Variants in VAMP7 observed in about 807,000 individuals in gnomAD.
VAMP7 encodes the protein vesicle associated membrane protein 7.
A neutral mutation model predicts 29.6 loss-of-function variants in VAMP7; 14 were observed. The observed-to-expected ratio is 0.47, with a 90% CI of 0.31 to 0.74. VAMP7 has a LOEUF of 0.74. Ranked by LOEUF, VAMP7 falls within the 30% of genes least tolerant of loss-of-function variation. The probability of loss-of-function intolerance (pLI) is 0.05; values close to 1 mark genes in which losing one functional copy is unlikely to be tolerated. For missense variants in VAMP7, 223 were observed against 262.4 expected, an observed-to-expected ratio of 0.85 and a Z score of 1.04; for synonymous variants, 95 against 88.1, an observed-to-expected ratio of 1.08 and a Z score of -0.44.
chrX:155,892,405 A>G (rs1390716696), intron 2 of VAMP7, among the ~76,000 whole-genome samples: 5 of 152,048 alleles, frequency 3.3e-5, no homozygotes, highest in Non-Finnish European at 7.4e-5. Flanking sequence ...GGGACTTGGA[A>G]TATTCTTCAA....
At chrX:155,884,178 A>G (rs959861276) in intron 1 of VAMP7, among the ~76,000 whole-genome samples, 3 of 151,446 alleles carry the variant, frequency 2.0e-5, no homozygotes, top group African/African-American at 7.3e-5. Flanking sequence ...CCCAGGCTGG[A>G]GTGCAATGGC....
chrX:155,931,376 T>C (rs958221321), intron 6 of VAMP7, among the ~76,000 whole-genome samples: 1 of 152,104 alleles, frequency 6.6e-6, no homozygotes, highest in Non-Finnish European at 1.5e-5. Flanking sequence ...GCACCTGTTG[T>C]TTCCTGACTT....
Position 155,898,216 on chromosome X carries a change from T to C in VAMP7, c.309T>C (p.Asn103=). The stretch of plus-strand genomic sequence containing the variant: ...AGACAGCACTTCCATATGCCATGAA[T>C]AGCGAGTTCTCAAGTGTCTTAGCTG... The part of the protein sequence containing the change: ...RAQTALPYAM[N]SEFSSVLAAQ... Residue 103 remains asparagine (N), a synonymous_variant, in exon 4 of 8, where the codon AAT becomes AAC. Coordinates refer to ENST00000286448, the MANE Select transcript of VAMP7 (RefSeq NM_005638.6). 1 of 1,613,568 alleles carries C rather than the reference T, an allele frequency of 6.2e-7. No homozygotes were observed. Among genetic ancestry groups the C allele is most frequent in the Non-Finnish European group, 8.5e-7 (1 of 1,179,616 alleles).
rs184255122 is a variant in VAMP7 at position 155,905,072 on chromosome X, C to T, written c.433+4485C>T. Among the ~76,000 whole-genome samples the T allele has an allele frequency of 1.9e-3, 295 of 151,804 alleles. 2 individuals are homozygous for T. The highest frequency in any genetic ancestry group is 6.8e-3 in the African/African-American group (281 of 41,476). Reference sequence around the variant, plus strand: ...CAATGTATGAGGATTCTGATTCCTCCACATCCTTGCCAAAACTTATCTTTT... The same window carrying T: ...CAATGTATGAGGATTCTGATTCCTCTACATCCTTGCCAAAACTTATCTTTT... On this transcript the variant is annotated intron_variant, in intron 5 of 7. Transcript: ENST00000286448.
At chrX:155,897,798 T>C (rs973952127) in intron 3 of VAMP7, among the ~76,000 whole-genome samples, 1 of 152,088 alleles carries the variant, frequency 6.6e-6, no homozygotes, top group Non-Finnish European at 1.5e-5. Flanking sequence ...TCTTATGAAA[T>C]ATATGGAGGA....
chrX:155,905,760 T>G (rs1350057626), intron 5 of VAMP7, among the ~76,000 whole-genome samples: 1 of 152,208 alleles, frequency 6.6e-6, no homozygotes, highest in Non-Finnish European at 1.5e-5. Context: ...TCAGTTTATC[T>G]TTATGCCAGT....
At chrX:155,936,780 G>A (rs184866372) in intron 6 of VAMP7, among the ~76,000 whole-genome samples, 5 of 152,172 alleles carry the variant, frequency 3.3e-5, no homozygotes, top group Admixed American at 6.5e-5. Context: ...CGTTGCTCAC[G>A]CTGGGGGCTG....
rs188895779 is a variant in VAMP7 at position 155,918,356 on chromosome X, A to G, written c.434-1457A>G. Among the ~76,000 whole-genome samples, 51 of 151,336 alleles carry G rather than the reference A, an allele frequency of 3.4e-4. 1 individual carries two copies. The East Asian group carries it at 9.1e-3, about 27-fold the overall frequency. ...GCATTCCAGGCGCCACTGGGGTATG[A>G]AAAAAAAACTCCTGCAGCTAGCTCG... On this transcript the variant is annotated intron_variant, in intron 5 of 7. Transcript: ENST00000286448.
At chrX:155,928,543 A>G (rs956703873) in intron 6 of VAMP7, among the ~76,000 whole-genome samples, 2 of 152,012 alleles carry the variant, frequency 1.3e-5, no homozygotes, top group Non-Finnish European at 2.9e-5. Context: ...TGTTCACATT[A>G]CCTTCTCCTT....
At chrX:155,882,717 C>G (rs1163902214) in intron 1 of VAMP7, among the ~76,000 whole-genome samples, 3 of 152,080 alleles carry the variant, frequency 2.0e-5, no homozygotes, top group Non-Finnish European at 2.9e-5. Flanking sequence ...CTTACCAGGT[C>G]CTTCTGAATA....
chrX:155,924,390 C>T (rs1158316733), intron 6 of VAMP7, among the ~76,000 whole-genome samples: 1 of 152,066 alleles, frequency 6.6e-6, no homozygotes, highest in Non-Finnish European at 1.5e-5. Flanking sequence ...CTAGCTATTT[C>T]CAAAACTTTT....
intron 2 of VAMP7, among the ~76,000 whole-genome samples, chrX:155,892,394 C>T (rs987498753): frequency 1.6e-4 from 25 of 152,066 alleles, no homozygotes; most frequent in Non-Finnish European, 3.2e-4. Flanking sequence ...AATTCCTTAA[C>T]GGGACTTGGA....
chrX:155,914,574 G>A (rs1223476764), intron 5 of VAMP7, among the ~76,000 whole-genome samples: 2 of 152,090 alleles, frequency 1.3e-5, no homozygotes, highest in Non-Finnish European at 2.9e-5. Context: ...AGCATAAAGC[G>A]GTGTTGAATT....
At chrX:155,930,421 T>G (rs1167157346) in intron 6 of VAMP7, among the ~76,000 whole-genome samples, 1 of 151,540 alleles carries the variant, frequency 6.6e-6, no homozygotes, top group East Asian at 1.9e-4. Context: ...AGCTGAAAGA[T>G]CTCTAAAATC....
At chrX:155,892,578 T>G (rs2065937658) in intron 2 of VAMP7, among the ~76,000 whole-genome samples, 1 of 152,122 alleles carries the variant, frequency 6.6e-6, no homozygotes, top group Admixed American at 6.5e-5. Flanking sequence ...AATATATTTA[T>G]CTACTTAATT....
intron 6 of VAMP7, among the ~76,000 whole-genome samples, chrX:155,936,411 C>T (rs2066657140): frequency 6.6e-6 from 1 of 152,220 alleles, no homozygotes; most frequent in Non-Finnish European, 1.5e-5. Flanking sequence ...GGCGCCTCTC[C>T]TCCAGCCTCG....
intron 6 of VAMP7, 27 bp from the exon 7 acceptor site, chrX:155,939,674 G>GT: frequency 6.4e-7 from 1 of 1,555,880 alleles, no homozygotes; most frequent in Non-Finnish European, 8.9e-7. Flanking sequence ...AGTGCCAGGG[G>GT]TTAAACAATT....
At chrX:155,901,632 C>T (rs1203293045) in intron 5 of VAMP7, among the ~76,000 whole-genome samples, 1 of 152,106 alleles carries the variant, frequency 6.6e-6, no homozygotes, top group African/African-American at 2.4e-5. Flanking sequence ...ATAGGGAATC[C>T]TTTCCCCATT....
chrX:155,883,975 G>T (rs1474193751), intron 1 of VAMP7, among the ~76,000 whole-genome samples: 1 of 151,686 alleles, frequency 6.6e-6, no homozygotes, highest in Non-Finnish European at 1.5e-5. Flanking sequence ...GCCTCCCAAA[G>T]TGCTGGGATT....
Sources: gnomAD v4.1 joint callset for allele counts (sites outside exome capture counted in the v4.1 genomes callset) on GRCh38, gnomAD v4.1.1 for gene constraint, MANE v1.5 for transcripts, NCBI Gene and HGNC (gene_info 2026-07-23, HGNC 2026-07-21) for gene names.